Variants in RIPK1 observed in about 807,000 individuals in gnomAD.
The protein encoded by RIPK1 is receptor-interacting serine/threonine-protein kinase 1.
Under a neutral mutation model 62.4 loss-of-function variants are expected in RIPK1, and 27 were observed. The ratio of observed to expected loss-of-function variants is 0.43; its 90% confidence interval spans 0.32 to 0.60. The LOEUF (loss-of-function observed/expected upper bound fraction) is 0.60, where lower values mean the gene tolerates loss of function less well. Among genes scored for constraint, RIPK1 ranks in the 20% least tolerant of loss-of-function variants. RIPK1 has a pLI of 0.07. For synonymous variants in RIPK1, 287 were observed against 303.2 expected (o/e 0.95, Z 0.55); for missense variants, 735 against 831.0 (o/e 0.88, Z 1.42).
At position 3,070,115 on chromosome 6, in the gene RIPK1, T is replaced by G. The variant is rs181605593; in HGVS notation, c.-61+1454T>G. On this transcript the variant is annotated intron_variant, in intron 1 of 10. Transcript: ENST00000259808. ...GAAATTTGGAGTGTATCATTATTACTGATAAAATAGCAAAAATGATAACTT... is the reference window on the plus strand; with the variant it reads ...GAAATTTGGAGTGTATCATTATTACGGATAAAATAGCAAAAATGATAACTT... Among the ~76,000 whole-genome samples, 742 of 152,356 alleles carry G rather than the reference T, an allele frequency of 4.9e-3. 4 individuals carry two copies. The highest frequency in any genetic ancestry group is 0.017 in the African/African-American group (714 of 41,588).
chr6:3,074,668 T>C (rs889765654), intron 1 of RIPK1, among the ~76,000 whole-genome samples: 3 of 152,150 alleles, frequency 2.0e-5, no homozygotes, highest in Non-Finnish European at 2.9e-5. Flanking sequence ...TAGATATTTA[T>C]TATTTTATTT....
At position 3,115,113 on chromosome 6, in the gene RIPK1, T is replaced by G. The variant is rs1015434900; in HGVS notation, c.*1774T>G. 6.6e-6 allele frequency: 1 copy of G among 151,776 alleles called. No individual in the cohort carries two copies. Among genetic ancestry groups the G allele is most frequent in the Non-Finnish European group, 1.5e-5 (1 of 67,950 alleles). The allele number at this position is 151,776 out of a possible 1,614,324, so 9.4% of individuals were successfully genotyped here. A position where few individuals can be genotyped will look rare whatever the true frequency, so the allele number is the denominator to read the frequency against. On this transcript the variant is annotated 3_prime_UTR_variant, in exon 11 of 11. Transcript: ENST00000259808. Reference sequence around the variant, plus strand: ...TCAAATCTCTTAGATTCCAAAGAGGTTGAATAATTAATGTTCAAAGGCAAG... The same window carrying G: ...TCAAATCTCTTAGATTCCAAAGAGGGTGAATAATTAATGTTCAAAGGCAAG...
chr6:3,103,494 G>T (rs1481915805), intron 7 of RIPK1, among the ~76,000 whole-genome samples: 4 of 152,026 alleles, frequency 2.6e-5, no homozygotes, highest in Non-Finnish European at 5.9e-5. Flanking sequence ...TAGAGACAAG[G>T]TTTCACCATG....
chr6:3,081,727 G>T (rs2113599648), intron 4 of RIPK1, among the ~76,000 whole-genome samples: 1 of 152,004 alleles, frequency 6.6e-6, no homozygotes, highest in South Asian at 2.1e-4. Context: ...GGGCGTGGTG[G>T]TGCATGCCTG....
intron 7 of RIPK1, among the ~76,000 whole-genome samples, chr6:3,101,982 T>C (rs1237592049): frequency 6.6e-6 from 1 of 152,170 alleles, no homozygotes; most frequent in Non-Finnish European, 1.5e-5. Flanking sequence ...TAGCTTCTAT[T>C]CTGTTTTCTG....
chr6:3,082,001 G>A (rs1759416346), intron 4 of RIPK1, among the ~76,000 whole-genome samples: 1 of 148,648 alleles, frequency 6.7e-6, no homozygotes, highest in East Asian at 2.0e-4. Flanking sequence ...AGTTTCCTTT[G>A]AACACATTCT....
In RIPK1 at chr6:3,105,634, T is replaced by G; in HGVS notation, c.1159T>G (p.Tyr387Asp). The change falls in exon 9 of 11, where the codon TAT becomes GAT. Residue 387 changes from tyrosine (Y) to aspartate (D), a missense_variant. Coordinates refer to ENST00000259808, the MANE Select transcript of RIPK1 (RefSeq NM_001354930.2). This position sits in a 1 kb window ranked among gnomAD's most constrained non-coding sequence, Gnocchi z 4.5. ...CCAAGACGAAGCCAACTACCATCTT[T>G]ATGGCAGCCGCATGGACAGGCAGAC... ...KLQDEANYHLYGSRMDRQTKQ... is the reference protein window; with the variant it reads ...KLQDEANYHLDGSRMDRQTKQ... 6.2e-7 allele frequency: 1 copy of G among 1,614,054 alleles called. No homozygotes were observed. The highest frequency in any genetic ancestry group is 1.1e-5 in the South Asian group (1 of 91,068).
At chr6:3,081,480 T>C (rs1193796547) in intron 4 of RIPK1, among the ~76,000 whole-genome samples, 1 of 152,298 alleles carries the variant, frequency 6.6e-6, no homozygotes, top group Non-Finnish European at 1.5e-5. Context: ...CCAGGAAATC[T>C]GTGTCACCAA....
intron 10 of RIPK1, among the ~76,000 whole-genome samples, chr6:3,112,011 AT>A (rs1331932430): frequency 6.6e-6 from 1 of 151,956 alleles, no homozygotes; most frequent in Non-Finnish European, 1.5e-5. Flanking sequence ...GGATTAAGGA[AT>A]TTTTTTTGTT....
chr6:3,097,040 T>G (rs992229216), intron 7 of RIPK1, among the ~76,000 whole-genome samples: 5 of 152,102 alleles, frequency 3.3e-5, no homozygotes, highest in South Asian at 2.1e-4. Context: ...CCGGCTAATT[T>G]TTGTATTTTT....
Position 3,113,331 on chromosome 6 carries a change from C to T in RIPK1, c.2008C>T (p.Gln670Ter), listed in dbSNP as rs569762969. ...DLLSSLIYVS[Q>*]N ...TCTGAGCAGCTTGATTTACGTCAGC[C>T]AGAACTAACCCTGGATGGGCTACGG... Residue 670 changes from glutamine to a stop codon, truncating the protein, a stop_gained, in exon 11 of 11, where the codon CAG (glutamine) becomes TAG (stop). Transcript: ENST00000259808. LOFTEE classifies it high-confidence loss of function. This position sits in a 1 kb window ranked among gnomAD's most constrained non-coding sequence, Gnocchi z 5.0. 2 of 1,613,488 alleles carry T rather than the reference C, an allele frequency of 1.2e-6. No individual in the cohort carries two copies. The highest frequency in any genetic ancestry group is 1.7e-6 in the Non-Finnish European group (2 of 1,179,756).
In RIPK1 at chr6:3,114,255, A is replaced by G. The variant is rs1761304075; in HGVS notation, c.*916A>G. The stretch of plus-strand genomic sequence containing the variant: ...GAGGGAACAGGAAATGCTGATCTCT[A>G]CCCCTGGGTGAGACCAGAACCTCAG... On this transcript the variant is annotated 3_prime_UTR_variant, in exon 11 of 11. Coordinates refer to ENST00000259808, the MANE Select transcript of RIPK1 (RefSeq NM_001354930.2). The surrounding 1 kb of genome is among the most constrained non-coding windows in gnomAD (Gnocchi z 5.0). The G allele has an allele frequency of 6.6e-6, 1 of 152,090 alleles. No individual in the cohort carries two copies. The highest frequency in any genetic ancestry group is 2.4e-5 in the African/African-American group (1 of 41,394). The allele number at this position is 152,090 out of a possible 1,614,324, so 9.4% of individuals were successfully genotyped here. A position where few individuals can be genotyped will look rare whatever the true frequency, so the allele number is the denominator to read the frequency against.
At chr6:3,112,945 A>T in intron 10 of RIPK1, 108 bp from the exon 11 acceptor site, 1 of 888,560 alleles carries the variant, frequency 1.1e-6, no homozygotes, top group Non-Finnish European at 1.7e-6. Context: ...TATCTTTTTC[A>T]CTGTCTTCTG....
chr6:3,072,826 G>A lies in RIPK1; in HGVS notation c.-60-3938G>A, dbSNP rs1758801822. Among the ~76,000 whole-genome samples the A allele has an allele frequency of 6.6e-6, 1 of 152,192 alleles. No individual in the cohort carries two copies. Among genetic ancestry groups the A allele is most frequent in the African/African-American group, 2.4e-5 (1 of 41,446 alleles). On this transcript the variant is annotated intron_variant, in intron 1 of 10. Transcript: ENST00000259808. The surrounding 1 kb of genome is among the most constrained non-coding windows in gnomAD (Gnocchi z 5.6). ...GGATGACCCTTATGGAATGGGGAAG[G>A]CTTCACAGTTCTGCCTGCTCCAGTG...
At chr6:3,073,144 G>A (rs1052805025) in intron 1 of RIPK1, among the ~76,000 whole-genome samples, 42 of 151,540 alleles carry the variant, frequency 2.8e-4, no homozygotes, top group Non-Finnish European at 4.0e-4. Flanking sequence ...ATACATATAC[G>A]TATATACACA....
chr6:3,074,759 G>A (rs926967605), intron 1 of RIPK1, among the ~76,000 whole-genome samples: 1 of 152,046 alleles, frequency 6.6e-6, no homozygotes, highest in Non-Finnish European at 1.5e-5. Context: ...TCGGCTCACT[G>A]CAACCTCCGC....
intron 10 of RIPK1, 53 bp from the exon 11 acceptor site, chr6:3,113,000 G>A (rs764463360): frequency 1.3e-5 from 19 of 1,443,098 alleles, no homozygotes; most frequent in Non-Finnish European, 1.8e-5. Context: ...CAGGAAGCTG[G>A]AATGTTTGAA....
chr6:3,088,887 AT>A (rs944079255), intron 6 of RIPK1: 39 of 151,552 alleles, frequency 2.6e-4, no homozygotes, highest in African/African-American at 8.2e-4. Flanking sequence ...TTAGTTGGAG[AT>A]TTTTTTTTAT....
chr6:3,098,073 C>T (rs888593703), intron 7 of RIPK1, among the ~76,000 whole-genome samples: 7 of 152,172 alleles, frequency 4.6e-5, no homozygotes, highest in Admixed American at 1.3e-4. Context: ...GTGGTGCCCA[C>T]TTTCGGTCCC....
Sources: gnomAD v4.1 joint callset for allele counts (sites outside exome capture counted in the v4.1 genomes callset) on GRCh38, gnomAD v4.1.1 for gene constraint, Gnocchi (gnomAD v3.1) non-coding constraint, MANE v1.5 for transcripts, NCBI Gene and HGNC (gene_info 2026-07-23, HGNC 2026-07-21) for gene names.